FLOT2: variants seen among roughly 807,000 people sequenced by gnomAD.
The protein encoded by FLOT2 is flotillin 2.
A neutral mutation model predicts 54.9 loss-of-function variants in FLOT2; 35 were observed. The ratio of observed to expected loss-of-function variants is 0.64; its 90% CI spans 0.49 to 0.84. FLOT2 has a LOEUF of 0.84. Ranked by LOEUF, FLOT2 falls within the 40% of genes least tolerant of loss-of-function variation. The pLI is 0.00. For missense variants in FLOT2, 464 were observed against 572.1 expected (o/e 0.81, Z 1.93); for synonymous variants, 207 against 228.9 (o/e 0.90, Z 0.86).
chr17:28,890,487 C>T (rs1050878243), intron 1 of FLOT2, among the ~76,000 whole-genome samples: 6 of 151,592 alleles, frequency 4.0e-5, no homozygotes, highest in African/African-American at 2.4e-5. Context: ...CCCGGGTTCA[C>T]GCGATTCTCC....
rs1421852099 is a variant in FLOT2, at chr17:28,882,471, C to G, written c.466-21G>C. On this transcript the variant is annotated intron_variant, in intron 5 of 10. Transcript: ENST00000394908. The surrounding 1 kb of genome is among the most constrained non-coding windows in gnomAD (Gnocchi z 5.6). Reference sequence around the variant, plus strand: ...ACGTCCTGGGGAGGGAAGGGGGTATCAGAGGCTCAAAGGAGCAGCCAGAGG... The same window carrying G: ...ACGTCCTGGGGAGGGAAGGGGGTATGAGAGGCTCAAAGGAGCAGCCAGAGG... 4 of 1,610,012 alleles carry G rather than the reference C, an allele frequency of 2.5e-6. No homozygotes were observed. Among genetic ancestry groups the G allele is most frequent in the Non-Finnish European group, 3.4e-6 (4 of 1,176,566 alleles).
intron 2 of FLOT2, among the ~76,000 whole-genome samples, chr17:28,887,462 G>GT (rs1567933681): frequency 6.6e-6 from 1 of 152,208 alleles, no homozygotes; most frequent in African/African-American, 2.4e-5. Context: ...TAGAGCCTGG[G>GT]TGTGAGGTCG....
chr17:28,886,066 G>GGT, intron 2 of FLOT2: 5 of 588,918 alleles, frequency 8.5e-6, no homozygotes, highest in Non-Finnish European at 9.5e-6. Flanking sequence ...GGCGGGGGGG[G>GGT]GCATGCTGTC....
intron 2 of FLOT2, chr17:28,886,020 T>C (rs1555599318): frequency 2.7e-6 from 2 of 737,866 alleles, no homozygotes; most frequent in South Asian, 2.9e-5. Flanking sequence ...ACACACACAG[T>C]AGTTACCAGA....
chr17:28,880,808 T>C lies in FLOT2; in HGVS notation c.1153A>G (p.Ser385Gly), dbSNP rs747346430. The C allele has an allele frequency of 1.2e-6, 2 of 1,614,060 alleles. No individual in the cohort carries two copies. The highest frequency in any genetic ancestry group is 1.7e-5 in the Admixed American group (1 of 60,014). ...GATGTGACCTTACTGTTGTCTCCACTGAGGACCACAATCTCATCGACCTTG... is the reference window on the plus strand; with the variant it reads ...GATGTGACCTTACTGTTGTCTCCACCGAGGACCACAATCTCATCGACCTTG... ...LTKVDEIVVL[S>G]GDNSKVTSEV... is the part of the protein sequence containing the mutation. The change falls in exon 10 of 11, where the codon AGT (serine) becomes GGT (glycine). Residue 385 changes from serine to glycine, a missense_variant. Transcript: ENST00000394908.
At position 28,883,074 on chromosome 17, in the gene FLOT2, C is replaced by T. The variant is rs747707535; in HGVS notation, c.346+34G>A. 5.0e-6 allele frequency: 8 copies of T among 1,610,880 alleles called. No individual in the cohort carries two copies. Among genetic ancestry groups the T allele is most frequent in the East Asian group, 4.5e-5 (2 of 44,790 alleles). ...CCTCCCTGCCTTGGCTTAGGGGCCC[C>T]GTGAGGCTCCTCAAAGGCTGAACAG... On this transcript the variant is annotated intron_variant, in intron 4 of 10. Coordinates refer to ENST00000394908, the MANE Select transcript of FLOT2 (RefSeq NM_004475.3). The surrounding 1 kb of genome is among the most constrained non-coding windows in gnomAD (Gnocchi z 5.0).
chr17:28,888,938 T>C lies in FLOT2; in HGVS notation c.131+7A>G. The C allele has an allele frequency of 6.2e-7, 1 of 1,613,198 alleles. No individual in the cohort carries two copies. Among genetic ancestry groups the C allele is most frequent in the Non-Finnish European group, 8.5e-7 (1 of 1,179,320 alleles). ...CATGACAGGTCCTAGAGCCCCCAGG[T>C]GCTTACCTCTGAGTGTCGGAGATAC... On this transcript the variant is annotated splice_region_variant and intron_variant, in intron 2 of 10. Coordinates refer to ENST00000394908, the MANE Select transcript of FLOT2 (RefSeq NM_004475.3).
In FLOT2 at chr17:28,881,485, G is replaced by A. The variant is rs957006145; in HGVS notation, c.915-110C>T. The A allele has an allele frequency of 5.2e-6, 6 of 1,155,462 alleles. No individual in the cohort carries two copies. The African/African-American group carries it at 7.6e-5, about 15-fold the overall frequency. The allele number at this position is 1,155,462 out of a possible 1,614,324, so 71.6% of individuals were successfully genotyped here. A position where few individuals can be genotyped will look rare whatever the true frequency, so the allele number is the denominator to read the frequency against. On this transcript the variant is annotated intron_variant, in intron 8 of 10. Coordinates refer to ENST00000394908, the MANE Select transcript of FLOT2 (RefSeq NM_004475.3). ...CCTCTGCTCTGGGGGCTGTCGGGGTGGGAGACATTGGAACGGAGTGGGGTG... is the reference window on the plus strand; with the variant it reads ...CCTCTGCTCTGGGGGCTGTCGGGGTAGGAGACATTGGAACGGAGTGGGGTG...
In FLOT2 at chr17:28,897,453, C is replaced by A; in HGVS notation, c.49+73G>T. 1 of 1,418,416 alleles carries A rather than the reference C, an allele frequency of 7.1e-7. No individual in the cohort carries two copies. The highest frequency in any genetic ancestry group is 9.6e-7 in the Non-Finnish European group (1 of 1,042,432). The allele number at this position is 1,418,416 out of a possible 1,614,324, so 87.9% of individuals were successfully genotyped here. ...GCGGTGGACTCAGGCCCAGCTCTTC[C>A]CCGTGCACTCCCCAGCCCTGCACCC... is the stretch of plus-strand genomic sequence containing the variant. On this transcript the variant is annotated intron_variant, in intron 1 of 10. Transcript: ENST00000394908. This position sits in a 1 kb window ranked among gnomAD's most constrained non-coding sequence, Gnocchi z 4.4.
chr17:28,896,337 C>T (rs1265525567), intron 1 of FLOT2, among the ~76,000 whole-genome samples: 1 of 152,198 alleles, frequency 6.6e-6, no homozygotes, highest in African/African-American at 2.4e-5. Context: ...AAGTGCAGTG[C>T]AGATTCTGGT....
At chr17:28,895,859 A>C (rs1185724432) in intron 1 of FLOT2, among the ~76,000 whole-genome samples, 1 of 152,210 alleles carries the variant, frequency 6.6e-6, no homozygotes, top group African/African-American at 2.4e-5. Flanking sequence ...GAGATGTATT[A>C]GCATCCTCCT....
chr17:28,886,058 C>CGA, intron 2 of FLOT2: 1 of 472,744 alleles, frequency 2.1e-6, no homozygotes, highest in East Asian at 3.4e-5. Context: ...CGCCTGGGGG[C>CGA]GGGGGGGGGC....
chr17:28,883,316 T>G lies in FLOT2; in HGVS notation c.223-85A>C. 1.3e-6 allele frequency: 2 copies of G among 1,541,608 alleles called. No homozygotes were observed. Among genetic ancestry groups the G allele is most frequent in the Non-Finnish European group, 1.8e-6 (2 of 1,126,918 alleles). On this transcript the variant is annotated intron_variant, in intron 3 of 10. Coordinates refer to ENST00000394908, the MANE Select transcript of FLOT2 (RefSeq NM_004475.3). This position sits in a 1 kb window ranked among gnomAD's most constrained non-coding sequence, Gnocchi z 5.0. Reference sequence around the variant, plus strand: ...ACCCAGAGGTAGGCAGGATGGTGGCTGTGCCTCCTCCCTTCCTTTTTTCAG... The same window carrying G: ...ACCCAGAGGTAGGCAGGATGGTGGCGGTGCCTCCTCCCTTCCTTTTTTCAG...
chr17:28,884,253 A>AC lies in FLOT2; in HGVS notation c.193dup (p.Val65GlyfsTer25), dbSNP rs770714663. The AC allele has an allele frequency of 4.1e-5, 66 of 1,613,058 alleles. No individual in the cohort carries two copies. The highest frequency in any genetic ancestry group is 5.0e-5 in the Non-Finnish European group (59 of 1,179,612). On this transcript the variant is annotated frameshift_variant, in exon 3 of 11. Coordinates refer to ENST00000394908, the MANE Select transcript of FLOT2 (RefSeq NM_004475.3). LOFTEE classifies it high-confidence loss of function. This position sits in a 1 kb window ranked among gnomAD's most constrained non-coding sequence, Gnocchi z 5.1. ...GGCGACACCCGTCACAGTTAAAGCT[A>AC]CCCCCTCGGCCGTCTCTACGTCCTC...
chr17:28,886,068 C>G (rs2039540836), intron 2 of FLOT2: 8 of 634,560 alleles, frequency 1.3e-5, no homozygotes, highest in South Asian at 1.6e-5. Flanking sequence ...CGGGGGGGGG[C>G]ATGCTGTCAG....
rs1038317715 is a variant in FLOT2, at chr17:28,897,065, T to G, written c.49+461A>C. Among the ~76,000 whole-genome samples the G allele has an allele frequency of 3.9e-5, 6 of 152,226 alleles. No individual in the cohort carries two copies. Among genetic ancestry groups the G allele is most frequent in the South Asian group, 2.1e-4 (1 of 4,836 alleles). ...CCTGCTTGGAATTAACGGGTCTGACTGTGCCGAGAAACGACCTCTGTTTCA... is the reference window on the plus strand; with the variant it reads ...CCTGCTTGGAATTAACGGGTCTGACGGTGCCGAGAAACGACCTCTGTTTCA... On this transcript the variant is annotated intron_variant, in intron 1 of 10. Transcript: ENST00000394908. The surrounding 1 kb of genome is among the most constrained non-coding windows in gnomAD (Gnocchi z 4.4).
At chr17:28,890,766 A>G (rs1034716689) in intron 1 of FLOT2, among the ~76,000 whole-genome samples, 1 of 152,102 alleles carries the variant, frequency 6.6e-6, no homozygotes, top group African/African-American at 2.4e-5. Context: ...ATAAAACTGG[A>G]CAGGCAGTTA....
intron 2 of FLOT2, among the ~76,000 whole-genome samples, chr17:28,888,248 G>A (rs1490702399): frequency 6.6e-6 from 1 of 152,354 alleles, no homozygotes; most frequent in South Asian, 2.1e-4. Flanking sequence ...GGGCAGTGAG[G>A]GTGGCAGGAG....
rs1314412559 is a variant in FLOT2 at position 28,883,655 on chromosome 17, G to A, written c.223-424C>T. ...TGGACAGGGCAGGAGAGGGTTGGGG[G>A]ATGCAACCGAGGGTGCCTCTCCTTC... is the stretch of plus-strand genomic sequence containing the variant. On this transcript the variant is annotated intron_variant, in intron 3 of 10. Transcript: ENST00000394908. The surrounding 1 kb of genome is among the most constrained non-coding windows in gnomAD (Gnocchi z 5.0). Among the ~76,000 whole-genome samples, 2 of 152,200 alleles carry A rather than the reference G, an allele frequency of 1.3e-5. No homozygotes were observed. The highest frequency in any genetic ancestry group is 1.3e-4 in the Admixed American group (2 of 15,280).
Sources: allele counts gnomAD v4.1 joint callset (sites outside exome capture counted in the v4.1 genomes callset), GRCh38; gene constraint gnomAD v4.1.1; non-coding constraint Gnocchi (gnomAD v3.1); transcripts MANE v1.5; gene names NCBI Gene and HGNC (gene_info 2026-07-23, HGNC 2026-07-21).